Variants in PCNX1 observed in about 807,000 individuals in gnomAD.
PCNX1 encodes the protein pecanex-like protein 1.
A neutral mutation model predicts 242.2 loss-of-function variants in PCNX1; 78 were observed. That is an observed-to-expected ratio of 0.32 (90% CI 0.27 to 0.39). PCNX1 has a LOEUF of 0.39. Ranked by LOEUF, PCNX1 falls within the 10% of genes least tolerant of loss-of-function variation. The pLI is 1.00. For missense variants in PCNX1, 2,581 were observed against 2,856.5 expected, an observed-to-expected ratio of 0.90 and a Z score of 2.20; for synonymous variants, 1,024 against 1,032.9, an observed-to-expected ratio of 0.99 and a Z score of 0.17.
At chr14:71,013,284 T>C (rs1349086931) in intron 11 of PCNX1, 82 bp downstream of exon 11, 3 of 1,043,758 alleles carry the variant, frequency 2.9e-6, no homozygotes, top group Non-Finnish European at 4.5e-6. Flanking sequence ...CTGAGGTTTT[T>C]ACCTGGTTAT....
chr14:71,067,398 G>C (rs2061474796), intron 26 of PCNX1, among the ~76,000 whole-genome samples: 1 of 152,054 alleles, frequency 6.6e-6, no homozygotes, highest in Non-Finnish European at 1.5e-5. Context: ...TAGTTTATTT[G>C]CATAGGGGTG....
chr14:70,965,265 C>T (rs1427441573), intron 3 of PCNX1: 1 of 152,086 alleles, frequency 6.6e-6, no homozygotes, highest in Non-Finnish European at 1.5e-5. Flanking sequence ...CAATAGTATT[C>T]AAGGCATTCT....
intron 30 of PCNX1, among the ~76,000 whole-genome samples, chr14:71,096,070 A>C (rs886415408): frequency 6.6e-6 from 1 of 152,188 alleles, no homozygotes; most frequent in Admixed American, 6.5e-5. Flanking sequence ...CTATAATCCC[A>C]ACACTTTGGG....
chr14:70,938,279 A>T (rs1367577212), intron 1 of PCNX1, among the ~76,000 whole-genome samples: 1 of 152,104 alleles, frequency 6.6e-6, no homozygotes, highest in East Asian at 1.9e-4. Context: ...TGTCATAGAT[A>T]GCTCTTATTA....
Position 70,924,523 on chromosome 14 carries a change from T to C in PCNX1, c.153+16520T>C, listed in dbSNP as rs370774870. ...AATGTCCTTTTTCTGTTAGGTTCCA[T>C]CCAAAACTTTTGATTTTAGTTTATT... On this transcript the variant is annotated intron_variant, in intron 1 of 35. Transcript: ENST00000304743. Among the ~76,000 whole-genome samples, 538 of 152,304 alleles carry C rather than the reference T, an allele frequency of 3.5e-3. 1 individual carries two copies. The highest frequency in any genetic ancestry group is 0.013 in the African/African-American group (522 of 41,550).
intron 30 of PCNX1, among the ~76,000 whole-genome samples, 187 bp from the exon 31 acceptor site, chr14:71,101,803 G>A (rs1324808819): frequency 6.6e-6 from 1 of 152,132 alleles, no homozygotes; most frequent in Non-Finnish European, 1.5e-5. Flanking sequence ...TACAAAAATA[G>A]TATAGCAGTA....
chr14:71,081,239 A>T (rs2061847167), intron 28 of PCNX1, among the ~76,000 whole-genome samples: 1 of 152,194 alleles, frequency 6.6e-6, no homozygotes, highest in Admixed American at 6.5e-5. Flanking sequence ...ATGGTGGATA[A>T]GCTTTTTGAT....
intron 6 of PCNX1, among the ~76,000 whole-genome samples, chr14:70,987,313 A>C (rs750177213): frequency 6.6e-6 from 1 of 152,242 alleles, no homozygotes; most frequent in Non-Finnish European, 1.5e-5. Flanking sequence ...ACATGTAGCA[A>C]CGGAGCACTT....
At chr14:71,073,218 G>A (rs1210248547) in intron 26 of PCNX1, among the ~76,000 whole-genome samples, 1 of 152,164 alleles carries the variant, frequency 6.6e-6, no homozygotes, top group East Asian at 1.9e-4. Flanking sequence ...CTTGAACCGG[G>A]ACCCAGGAGG....
chr14:70,980,894 A>T (rs1339455486), intron 6 of PCNX1, among the ~76,000 whole-genome samples: 1 of 152,170 alleles, frequency 6.6e-6, no homozygotes, highest in Non-Finnish European at 1.5e-5. Context: ...TATCCTAAAG[A>T]ATATGAAGGT....
chr14:71,005,834 G>A (rs773038159), intron 8 of PCNX1, among the ~76,000 whole-genome samples: 8 of 151,878 alleles, frequency 5.3e-5, no homozygotes, highest in Non-Finnish European at 1.2e-4. Context: ...TCAAAAGAAT[G>A]GTTGTGTGTA....
chr14:71,056,818 A>G (rs1175974295), intron 25 of PCNX1, among the ~76,000 whole-genome samples: 2 of 151,908 alleles, frequency 1.3e-5, no homozygotes, highest in Admixed American at 6.6e-5. Flanking sequence ...AGCTGGGATT[A>G]CAGGCGTGCA....
rs879544759 is a variant in PCNX1 at position 71,059,387 on chromosome 14, AT to A, written c.4852+1674del. 2.7e-3 allele frequency among the ~76,000 whole-genome samples: 397 copies of A among 146,816 alleles called. 1 individual carries two copies. Among genetic ancestry groups the A allele is most frequent in the African/African-American group, 6.4e-3 (259 of 40,384 alleles). On this transcript the variant is annotated intron_variant, in intron 26 of 35. Coordinates refer to ENST00000304743, the MANE Select transcript of PCNX1 (RefSeq NM_014982.3). ...TGTAATTCTTAACTCAGACATTAGC[AT>A]TTTTTTTTTTAAGAGACAGGGGTCT...
rs202014259 is a variant in PCNX1 at position 71,103,591 on chromosome 14, A to G, written c.6017A>G (p.His2006Arg). 4 of 1,614,166 alleles carry G rather than the reference A, an allele frequency of 2.5e-6. No homozygotes were observed. In the Admixed American group the frequency reaches 5.0e-5, roughly 20 times the overall value. Residue 2006 changes from histidine to arginine, a missense_variant, in exon 32 of 36, where the codon CAC (histidine) becomes CGC (arginine). Transcript: ENST00000304743. The stretch of plus-strand genomic sequence containing the variant: ...CTGACAACTTCTTACTCTGACAGCC[A>G]CGAACAGCTTAAAGACATTCTTGGG... Reference protein sequence around the residue: ...SPLTTSYSDSHEQLKDILGGP... With the variant: ...SPLTTSYSDSREQLKDILGGP...
At chr14:71,084,759 C>T (rs1361236952) in intron 28 of PCNX1, among the ~76,000 whole-genome samples, 2 of 152,224 alleles carry the variant, frequency 1.3e-5, no homozygotes, top group African/African-American at 4.8e-5. Flanking sequence ...GAATTTCAAG[C>T]CAGTAGATCT....
intron 18 of PCNX1, 46 bp downstream of exon 18, chr14:71,034,082 C>T (rs750372491): frequency 2.0e-6 from 2 of 1,005,294 alleles, no homozygotes; most frequent in South Asian, 1.4e-5. Flanking sequence ...AAATCTTAGA[C>T]AGTTGATCAT....
At chr14:70,917,045 C>T (rs1029971949) in intron 1 of PCNX1, among the ~76,000 whole-genome samples, 3 of 152,182 alleles carry the variant, frequency 2.0e-5, no homozygotes, top group African/African-American at 7.2e-5. Flanking sequence ...CCATAAGAAG[C>T]AACTCCTCAT....
chr14:71,007,014 G>A (rs1203001763), intron 8 of PCNX1, among the ~76,000 whole-genome samples: 1 of 152,070 alleles, frequency 6.6e-6, no homozygotes, highest in Non-Finnish European at 1.5e-5. Context: ...AAAAAGAAAA[G>A]CACTGTTGAA....
intron 11 of PCNX1, among the ~76,000 whole-genome samples, chr14:71,013,687 G>A (rs2097975): frequency 0.56 from 84,708 of 151,858 alleles, 25,015 homozygotes; most frequent in East Asian, 0.73. Context: ...GACAAAGTAC[G>A]TGAAACAGTG....
Sources: gnomAD v4.1 joint callset for allele counts (sites outside exome capture counted in the v4.1 genomes callset) on GRCh38, gnomAD v4.1.1 for gene constraint, MANE v1.5 for transcripts, NCBI Gene and HGNC (gene_info 2026-07-23, HGNC 2026-07-21) for gene names.